The following NCKAP5 variants were observed in gnomAD, a reference collection of about 807,000 sequenced individuals.
The protein encoded by NCKAP5 is NCK associated protein 5, also known as nck-associated protein 5.
Under a neutral mutation model 167.0 loss-of-function variants are expected in NCKAP5, and 92 were observed. That is an observed-to-expected ratio of 0.55 (90% CI 0.47 to 0.66). NCKAP5 has a LOEUF of 0.66. Ranked by LOEUF, NCKAP5 falls within the 30% of genes least tolerant of loss-of-function variation. NCKAP5 has a pLI of 0.00. For missense variants in NCKAP5, 2,378 were observed against 2,315.0 expected (o/e 1.03, Z -0.56); for synonymous variants, 891 against 877.4 (o/e 1.02, Z -0.27).
intron 4 of NCKAP5, among the ~76,000 whole-genome samples, chr2:133,292,394 A>C (rs1288460459): frequency 6.6e-6 from 1 of 151,638 alleles, no homozygotes; most frequent in Admixed American, 6.6e-5. Flanking sequence ...GGCCATTTAC[A>C]CTGTTGTCTG....
chr2:132,794,263 T>TATATAGAGAGAGAG (rs762281677), intron 12 of NCKAP5, among the ~76,000 whole-genome samples: 2 of 11,910 alleles, frequency 1.7e-4, no homozygotes, highest in Non-Finnish European at 3.5e-4. Flanking sequence ...TATATATATA[T>TATATAGAGAGAGAG]AGAGAGAGAG....
chr2:133,006,858 C>T (rs115753781), intron 6 of NCKAP5, among the ~76,000 whole-genome samples: 275 of 152,292 alleles, frequency 1.8e-3, no homozygotes, highest in African/African-American at 6.4e-3. Context: ...CAAAGAGATG[C>T]TTTAAGAATC....
At chr2:132,939,939 T>G (rs13383984) in intron 8 of NCKAP5, among the ~76,000 whole-genome samples, 14,435 of 152,044 alleles carry the variant, frequency 0.095, 2,071 homozygotes, top group African/African-American at 0.31. Flanking sequence ...AGCAGAGGTT[T>G]CAGTGAGCTG....
chr2:133,302,771 T>TA (rs1680477240), intron 4 of NCKAP5, among the ~76,000 whole-genome samples: 1 of 148,654 alleles, frequency 6.7e-6, no homozygotes, highest in African/African-American at 2.5e-5. Context: ...CCCTAAAACT[T>TA]AGAGTATAAT....
chr2:133,013,258 G>A (rs1301923916), intron 6 of NCKAP5, among the ~76,000 whole-genome samples: 1 of 152,174 alleles, frequency 6.6e-6, no homozygotes, highest in Non-Finnish European at 1.5e-5. Flanking sequence ...CAGGCTGCAG[G>A]GCTGCTGGGC....
At chr2:133,614,533 G>A in the NCKAP5 span, among the ~76,000 whole-genome samples, 1 of 152,048 alleles carries the variant, frequency 6.6e-6, no homozygotes, top group Non-Finnish European at 1.5e-5. Flanking sequence ...GCAATCAACT[G>A]GAAGAAAGGG....
chr2:132,921,744 C>A (rs1695448929), intron 8 of NCKAP5, among the ~76,000 whole-genome samples: 1 of 152,076 alleles, frequency 6.6e-6, no homozygotes, highest in Non-Finnish European at 1.5e-5. Context: ...TTACGAGGAA[C>A]CTCTTCCCCT....
At chr2:133,116,862 G>C (rs1305864808) in intron 6 of NCKAP5, 1 of 151,804 alleles carries the variant, frequency 6.6e-6, no homozygotes. Flanking sequence ...GTTCCTCACT[G>C]GTCTATAATC....
chr2:133,223,328 T>G (rs2086735425), intron 4 of NCKAP5, among the ~76,000 whole-genome samples: 1 of 152,130 alleles, frequency 6.6e-6, no homozygotes, highest in South Asian at 2.1e-4. Flanking sequence ...GGTGGCGATC[T>G]GGTATGCATG....
At chr2:133,310,867 T>A (rs1681184929) in intron 3 of NCKAP5, among the ~76,000 whole-genome samples, 1 of 152,188 alleles carries the variant, frequency 6.6e-6, no homozygotes, top group Non-Finnish European at 1.5e-5. Context: ...TTGTAAAGGT[T>A]TTGATGATCA....
chr2:133,371,247 A>G (rs1685788314), intron 3 of NCKAP5, among the ~76,000 whole-genome samples: 1 of 152,190 alleles, frequency 6.6e-6, no homozygotes, highest in Non-Finnish European at 1.5e-5. Context: ...TCAGACTCTC[A>G]CTTCTTGCCA....
At chr2:133,026,378 G>GTT (rs34476973) in intron 6 of NCKAP5, among the ~76,000 whole-genome samples, 3 of 144,058 alleles carry the variant, frequency 2.1e-5, no homozygotes, top group South Asian at 2.2e-4. Flanking sequence ...CTGTTCTAGT[G>GTT]TTTTTTTTTT....
At chr2:132,748,789 C>CTTT (rs879810192) in intron 16 of NCKAP5, among the ~76,000 whole-genome samples, 22 of 147,092 alleles carry the variant, frequency 1.5e-4, no homozygotes, top group African/African-American at 5.5e-4. Context: ...AGTCAGGATA[C>CTTT]TTTTTTTTTT....
At chr2:133,002,269 A>C (rs2077810594) in intron 6 of NCKAP5, among the ~76,000 whole-genome samples, 1 of 152,220 alleles carries the variant, frequency 6.6e-6, no homozygotes, top group Non-Finnish European at 1.5e-5. Context: ...TGGATACTAC[A>C]AAGCTCTATG....
intron 8 of NCKAP5, among the ~76,000 whole-genome samples, chr2:132,962,265 T>C (rs143284737): frequency 1.4e-3 from 214 of 152,324 alleles, no homozygotes; most frequent in Non-Finnish European, 2.6e-3. Flanking sequence ...GCACCAGGCA[T>C]CATTTTAAAA....
intron 6 of NCKAP5, among the ~76,000 whole-genome samples, chr2:133,108,146 T>A (rs573767834): frequency 6.6e-6 from 1 of 152,342 alleles, no homozygotes; most frequent in South Asian, 2.1e-4. Context: ...TTCTGATTTA[T>A]AATTAACTAG....
chr2:133,448,869 G>A (rs1485901190), intron 3 of NCKAP5, among the ~76,000 whole-genome samples: 1 of 151,964 alleles, frequency 6.6e-6, no homozygotes, highest in Non-Finnish European at 1.5e-5. Context: ...CAAACTCCTG[G>A]GCTCCAGCGA....
At chr2:133,598,543 G>T in the NCKAP5 span, among the ~76,000 whole-genome samples, 1 of 152,128 alleles carries the variant, frequency 6.6e-6, no homozygotes, top group Admixed American at 6.5e-5. Context: ...GCCCAGTGAT[G>T]GACAGGAAAT....
Position 133,356,329 on chromosome 2 carries a change from C to T in NCKAP5, c.70-53219G>A, listed in dbSNP as rs142799832. ...GCAACAACTCTTCAGAAAAGCAAAG[C>T]AAAACATATTATGTGTATTGGGGCC... On this transcript the variant is annotated intron_variant, in intron 3 of 19. Coordinates refer to ENST00000409261, the MANE Select transcript of NCKAP5 (RefSeq NM_207363.3). Among the ~76,000 whole-genome samples, 627 of 152,246 alleles carry T rather than the reference C, an allele frequency of 4.1e-3. 6 individuals carry two copies. Among genetic ancestry groups the T allele is most frequent in the Middle Eastern group, 0.017 (5 of 294 alleles).
Sources: gnomAD v4.1 joint callset for allele counts (sites outside exome capture counted in the v4.1 genomes callset) on GRCh38, gnomAD v4.1.1 for gene constraint, MANE v1.5 for transcripts, NCBI Gene and HGNC (gene_info 2026-07-23, HGNC 2026-07-21) for gene names.